The following ZNF793 variants were observed in gnomAD, a reference collection of about 807,000 sequenced individuals.
The protein encoded by ZNF793 is zinc finger protein 793.
In ZNF793, 5 loss-of-function variants were observed where a neutral mutation model predicts 12.4. The ratio of observed to expected loss-of-function variants is 0.40; its 90% CI spans 0.21 to 0.84. The LOEUF (loss-of-function observed/expected upper bound fraction) is 0.84. ZNF793 is among the 40% of genes least tolerant of loss of function. The pLI, the probability that ZNF793 is intolerant of heterozygous loss-of-function variation, is 0.35. For synonymous variants in ZNF793, 162 were observed against 172.4 expected, an observed-to-expected ratio of 0.94 and a Z score of 0.47; for missense variants, 456 against 495.0, an observed-to-expected ratio of 0.92 and a Z score of 0.75.
Position 37,508,250 on chromosome 19 carries a change from A to G in ZNF793, c.-414-15A>G, listed in dbSNP as rs2042266217. 6.6e-6 allele frequency: 1 copy of G among 152,158 alleles called. No individual in the cohort carries two copies. The highest frequency in any genetic ancestry group is 1.5e-5 in the Non-Finnish European group (1 of 68,042). The allele number at this position is 152,158 out of a possible 1,614,324, so 9.4% of individuals were successfully genotyped here. A position where few individuals can be genotyped will look rare whatever the true frequency, so the allele number is the denominator to read the frequency against. ...AGGGATCTAATGCATATTTTTTCCT[A>G]ATGTTTCCTTTAAGGCTCTTTCTGG... On this transcript the variant is annotated splice_polypyrimidine_tract_variant and intron_variant, in intron 1 of 7. Transcript: ENST00000627814.
At position 37,541,646 on chromosome 19, in the gene ZNF793, T is replaced by G. The variant is rs2042552598; in HGVS notation, c.*3767T>G. ...GTGAGCTGAGATTGCACCACTGCAC[T>G]CCAGCCTGGGCAACAGAGCAAGACT... On this transcript the variant is annotated 3_prime_UTR_variant, in exon 8 of 8. Coordinates refer to ENST00000627814, the MANE Select transcript of ZNF793 (RefSeq NM_001013659.3). 6.6e-6 allele frequency: 1 copy of G among 151,518 alleles called. No homozygotes were observed. Among genetic ancestry groups the G allele is most frequent in the Non-Finnish European group, 1.5e-5 (1 of 67,990 alleles). 9.4% of individuals were successfully genotyped at this position (151,518 alleles called of 1,614,324 possible).
intron 3 of ZNF793, 117 bp downstream of exon 3, chr19:37,520,429 C>T (rs1431911480): frequency 6.6e-6 from 1 of 152,246 alleles, no homozygotes; most frequent in East Asian, 1.9e-4. Flanking sequence ...ACTCAGACCC[C>T]ATACCTCTTG....
chr19:37,507,490 G>T (rs58524356), intron 1 of ZNF793, among the ~76,000 whole-genome samples: 1 of 152,140 alleles, frequency 6.6e-6, no homozygotes, highest in Non-Finnish European at 1.5e-5. Context: ...GTTCAAATGA[G>T]GGAGGTCAGT....
At chr19:37,517,491 G>A (rs1478289854) in intron 2 of ZNF793, among the ~76,000 whole-genome samples, 1 of 150,738 alleles carries the variant, frequency 6.6e-6, no homozygotes, top group African/African-American at 2.4e-5. Flanking sequence ...CACAGCAAAT[G>A]TTACATTGCT....
At chr19:37,519,802 T>C (rs1168762601) in intron 2 of ZNF793, among the ~76,000 whole-genome samples, 1 of 152,230 alleles carries the variant, frequency 6.6e-6, no homozygotes, top group Non-Finnish European at 1.5e-5. Flanking sequence ...ATAGACTAAG[T>C]AACTCATTCA....
intron 5 of ZNF793, among the ~76,000 whole-genome samples, chr19:37,531,190 A>G (rs1473849411): frequency 1.3e-5 from 2 of 150,890 alleles, no homozygotes; most frequent in East Asian, 3.9e-4. Flanking sequence ...TGTTTGAGTC[A>G]GAGTCTCACC....
chr19:37,532,532 T>G, intron 6 of ZNF793, 50 bp downstream of exon 6: 1 of 1,511,170 alleles, frequency 6.6e-7, no homozygotes, highest in Non-Finnish European at 8.8e-7. Context: ...ATGACCACCT[T>G]TCCTTTCTCA....
chr19:37,507,564 G>A (rs180997904), intron 1 of ZNF793, among the ~76,000 whole-genome samples: 1 of 152,316 alleles, frequency 6.6e-6, no homozygotes, highest in Admixed American at 6.5e-5. Context: ...CATATCATCG[G>A]TGGAGGATCG....
At chr19:37,525,227 C>T (rs1249432332) in intron 5 of ZNF793, among the ~76,000 whole-genome samples, 1 of 151,916 alleles carries the variant, frequency 6.6e-6, no homozygotes, top group Non-Finnish European at 1.5e-5. Flanking sequence ...CCAACTCCTC[C>T]TTCCGGGTTC....
intron 3 of ZNF793, 63 bp downstream of exon 3, chr19:37,520,375 C>G (rs1001754358): frequency 6.6e-6 from 1 of 152,230 alleles, no homozygotes; most frequent in Non-Finnish European, 1.5e-5. Flanking sequence ...AGACACTGTC[C>G]AGGAGAAGGG....
intron 2 of ZNF793, among the ~76,000 whole-genome samples, chr19:37,512,589 A>G (rs1182961033): frequency 6.8e-6 from 1 of 146,770 alleles, no homozygotes; most frequent in Admixed American, 6.8e-5. Flanking sequence ...TTCTGTAATT[A>G]AGATTTTGCT....
chr19:37,533,812 G>A lies in ZNF793; in HGVS notation c.238+409G>A, dbSNP rs779480828. The A allele has an allele frequency of 6.3e-4, 223 of 352,964 alleles. 1 individual carries two copies. Among genetic ancestry groups the A allele is most frequent in the Non-Finnish European group, 9.8e-4 (194 of 197,764 alleles). 21.9% of individuals were successfully genotyped at this position (352,964 alleles called of 1,614,324 possible). On this transcript the variant is annotated intron_variant, in intron 7 of 7. Coordinates refer to ENST00000627814, the MANE Select transcript of ZNF793 (RefSeq NM_001013659.3). Reference sequence around the variant, plus strand: ...AGATGACTGTGGGATCAGAGAAGAGGAAGCAGTGAATTCCATGTTGGGGTG... The same window carrying A: ...AGATGACTGTGGGATCAGAGAAGAGAAAGCAGTGAATTCCATGTTGGGGTG...
intron 5 of ZNF793, among the ~76,000 whole-genome samples, chr19:37,526,717 G>A (rs2042418571): frequency 6.6e-6 from 1 of 152,132 alleles, no homozygotes; most frequent in South Asian, 2.1e-4. Flanking sequence ...GGCTACTACT[G>A]CTCAGGTGCT....
At chr19:37,507,116 G>A (rs1202307704) in intron 1 of ZNF793, 150 bp downstream of exon 1, 1 of 152,418 alleles carries the variant, frequency 6.6e-6, no homozygotes. Context: ...AGCTATGGGT[G>A]CCCGTGAGGG....
At chr19:37,517,912 A>T (rs1193803251) in intron 2 of ZNF793, among the ~76,000 whole-genome samples, 1 of 152,116 alleles carries the variant, frequency 6.6e-6, no homozygotes, top group Non-Finnish European at 1.5e-5. Flanking sequence ...AGGCTATTGG[A>T]AAAGTTAGAA....
chr19:37,508,162 A>G (rs918052659), intron 1 of ZNF793, 103 bp from the exon 2 acceptor site: 1 of 152,200 alleles, frequency 6.6e-6, no homozygotes, highest in African/African-American at 2.4e-5. Context: ...ATAATTTGAA[A>G]GGATCGCGTG....
chr19:37,510,798 A>G (rs566113241), intron 2 of ZNF793, among the ~76,000 whole-genome samples: 1 of 151,140 alleles, frequency 6.6e-6, no homozygotes, highest in South Asian at 2.1e-4. Context: ...CCAGGTTCAC[A>G]CCAGTCTCCT....
Position 37,539,011 on chromosome 19 carries a change from T to C in ZNF793, c.*1132T>C, listed in dbSNP as rs899898390. On this transcript the variant is annotated 3_prime_UTR_variant, in exon 8 of 8. Coordinates refer to ENST00000627814, the MANE Select transcript of ZNF793 (RefSeq NM_001013659.3). ...AAGAACTTTATTATACCAGCTACAT[T>C]TTTCCACCTTTTTGTAATACATGTA... is the stretch of plus-strand genomic sequence containing the variant. The C allele has an allele frequency of 6.6e-6, 1 of 152,238 alleles. No individual in the cohort carries two copies. Among genetic ancestry groups the C allele is most frequent in the East Asian group, 1.9e-4 (1 of 5,198 alleles). The allele number at this position is 152,238 out of a possible 1,614,324, so 9.4% of individuals were successfully genotyped here. A position where few individuals can be genotyped will look rare whatever the true frequency, so the allele number is the denominator to read the frequency against.
chr19:37,519,867 C>T (rs2042361768), intron 2 of ZNF793, among the ~76,000 whole-genome samples: 1 of 152,218 alleles, frequency 6.6e-6, no homozygotes, highest in African/African-American at 2.4e-5. Flanking sequence ...TTGTCTGGCT[C>T]CCGAGTCTGT....
Sources: gnomAD v4.1 joint callset for allele counts (sites outside exome capture counted in the v4.1 genomes callset) on GRCh38, gnomAD v4.1.1 for gene constraint, MANE v1.5 for transcripts, NCBI Gene and HGNC (gene_info 2026-07-23, HGNC 2026-07-21) for gene names.